Variants in SNX25 observed in about 807,000 individuals in gnomAD.
SNX25 encodes sorting nexin-25.
Under a neutral mutation model 113.7 loss-of-function variants are expected in SNX25, and 62 were observed. The ratio of observed to expected loss-of-function variants is 0.55; its 90% CI spans 0.44 to 0.67. The LOEUF (loss-of-function observed/expected upper bound fraction) is 0.67. Ranked by LOEUF, SNX25 falls within the 30% of genes least tolerant of loss-of-function variation. The probability of loss-of-function intolerance (pLI) is 0.00; values close to 1 mark genes in which losing one functional copy is unlikely to be tolerated. For synonymous variants in SNX25, 421 were observed against 436.2 expected, an observed-to-expected ratio of 0.97 and a Z score of 0.43; for missense variants, 1,014 against 1,161.0, an observed-to-expected ratio of 0.87 and a Z score of 1.84.
intron 7 of SNX25, among the ~76,000 whole-genome samples, chr4:185,318,742 G>A (rs1359672952): frequency 1.3e-5 from 2 of 152,196 alleles, no homozygotes; most frequent in Admixed American, 6.5e-5. Context: ...ATCCCATAGG[G>A]TAGGGATTTT....
chr4:185,240,156 ATGT>A (rs1743500498), intron 1 of SNX25, among the ~76,000 whole-genome samples: 2 of 151,840 alleles, frequency 1.3e-5, no homozygotes, highest in African/African-American at 4.8e-5. Context: ...AAAGTCTCCC[ATGT>A]CTACCTCTTT....
intron 1 of SNX25, among the ~76,000 whole-genome samples, chr4:185,236,793 C>T (rs572567274): frequency 8.7e-5 from 13 of 149,300 alleles, no homozygotes; most frequent in African/African-American, 2.5e-4. Flanking sequence ...AATTAATGCT[C>T]ATATCAATTT....
At chr4:185,333,851 C>G (rs1290562043) in intron 10 of SNX25, among the ~76,000 whole-genome samples, 1 of 151,710 alleles carries the variant, frequency 6.6e-6, no homozygotes, top group Admixed American at 6.6e-5. Context: ...TGAGACCAGC[C>G]TGGGCAACAT....
chr4:185,317,836 G>A (rs1313495808), intron 7 of SNX25, among the ~76,000 whole-genome samples: 1 of 152,090 alleles, frequency 6.6e-6, no homozygotes, highest in Admixed American at 6.6e-5. Context: ...CCTAATGCAT[G>A]TGGGGCTTAA....
intron 9 of SNX25, among the ~76,000 whole-genome samples, chr4:185,329,596 G>A (rs953726202): frequency 6.6e-5 from 10 of 152,172 alleles, no homozygotes; most frequent in Non-Finnish European, 1.3e-4. Context: ...TTTACGAATC[G>A]GCTGGATTAG....
intron 6 of SNX25, among the ~76,000 whole-genome samples, chr4:185,302,326 T>G (rs1206299714): frequency 6.6e-6 from 1 of 152,128 alleles, no homozygotes; most frequent in Non-Finnish European, 1.5e-5. Flanking sequence ...AACCCTGACT[T>G]GAAGCTGGTT....
chr4:185,335,721 A>T (rs912532670), intron 10 of SNX25, among the ~76,000 whole-genome samples: 3 of 152,180 alleles, frequency 2.0e-5, no homozygotes, highest in Non-Finnish European at 4.4e-5. Context: ...TTCTAGGGTA[A>T]TATTGGGAGT....
chr4:185,209,848 A>G lies in SNX25; in HGVS notation c.22A>G (p.Ser8Gly). The G allele has an allele frequency of 1.0e-6, 1 of 983,204 alleles. No individual in the cohort carries two copies. Among genetic ancestry groups the G allele is most frequent in the South Asian group, 4.7e-5 (1 of 21,278 alleles). The allele number at this position is 983,204 out of a possible 1,614,324, so 60.9% of individuals were successfully genotyped here. ...CAGCATGCACCCCGATGCGACCGAC[A>G]GTGGCGGCGCCGGCCCCAGCCCCGC... MHPDATD[S>G]GGAGPSPARA... The change falls in exon 1 of 19, where the codon AGT becomes GGT. Residue 8 changes from serine to glycine, a missense_variant. By Grantham distance (56) the Ser-to-Gly change is moderately conservative. Transcript: ENST00000652585. This position sits in a 1 kb window ranked among gnomAD's most constrained non-coding sequence, Gnocchi z 5.2.
At chr4:185,260,637 C>T (rs1358902565) in intron 3 of SNX25, among the ~76,000 whole-genome samples, 2 of 152,202 alleles carry the variant, frequency 1.3e-5, no homozygotes, top group African/African-American at 4.8e-5. Flanking sequence ...GGACACTTTT[C>T]CTTAGCCACG....
intron 7 of SNX25, among the ~76,000 whole-genome samples, chr4:185,314,356 T>C (rs533618220): frequency 2.1e-4 from 31 of 145,434 alleles, no homozygotes; most frequent in African/African-American, 6.6e-4. Context: ...TAAAAGAAGC[T>C]GTAAATAAAA....
At chr4:185,362,763 T>A in intron 18 of SNX25, 52 bp downstream of exon 18, 1 of 1,486,988 alleles carries the variant, frequency 6.7e-7, no homozygotes. Context: ...GTCTGTTTCT[T>A]CGTTTGGTCA....
intron 6 of SNX25, among the ~76,000 whole-genome samples, chr4:185,304,401 C>T (rs1356078064): frequency 6.6e-6 from 1 of 152,110 alleles, no homozygotes; most frequent in Non-Finnish European, 1.5e-5. Context: ...TCTTGTTGCC[C>T]AGACTGGAGT....
At chr4:185,221,482 G>T (rs1739840484) in intron 1 of SNX25, among the ~76,000 whole-genome samples, 1 of 151,980 alleles carries the variant, frequency 6.6e-6, no homozygotes. Flanking sequence ...TGAGTATCTT[G>T]CATTCATCTA....
intron 5 of SNX25, among the ~76,000 whole-genome samples, chr4:185,274,365 G>A (rs533669975): frequency 1.3e-5 from 2 of 152,208 alleles, no homozygotes; most frequent in East Asian, 3.9e-4. Context: ...AGCCAACACT[G>A]GCTGTCTTTT....
chr4:185,299,514 C>T (rs961214041), intron 6 of SNX25, among the ~76,000 whole-genome samples: 2 of 152,062 alleles, frequency 1.3e-5, no homozygotes, highest in African/African-American at 4.8e-5. Context: ...TTTGCATTAC[C>T]GACTGGTTCC....
chr4:185,335,000 T>A lies in SNX25; in HGVS notation c.1914+2241T>A, dbSNP rs1298083814. 6.6e-6 allele frequency among the ~76,000 whole-genome samples: 1 copy of A among 152,152 alleles called. No individual in the cohort carries two copies. The highest frequency in any genetic ancestry group is 1.9e-4 in the East Asian group (1 of 5,192). The stretch of plus-strand genomic sequence containing the variant: ...TCCTCCTTTTGTCGTTTACTTATGT[T>A]GGTAAAAAATTAATAATTTTTTTAA... On this transcript the variant is annotated intron_variant, in intron 10 of 18. Transcript: ENST00000652585. This position sits in a 1 kb window ranked among gnomAD's most constrained non-coding sequence, Gnocchi z 4.2.
rs933444645 is a variant in SNX25 at position 185,247,355 on chromosome 4, A to G, written c.491A>G (p.Asn164Ser). The G allele has an allele frequency of 1.9e-6, 3 of 1,607,968 alleles. No homozygotes were observed. The highest frequency in any genetic ancestry group is 1.1e-5 in the South Asian group (1 of 90,866). Residue 164 changes from asparagine to serine, a missense_variant, in exon 2 of 19, where the codon AAT (asparagine) becomes AGT (serine). By Grantham distance (46) the Asn-to-Ser change is conservative (BLOSUM62 1). Transcript: ENST00000652585. ...TCTAGAAGGGTAGTAATTTCTCATA[A>G]TATGGATAAAGCTCTGAAAGAAGGT... The part of the protein sequence containing the change: ...AQSRRVVISH[N>S]MDKALKEVFD...
At chr4:185,333,921 G>T (rs1344571715) in intron 10 of SNX25, among the ~76,000 whole-genome samples, 1 of 151,478 alleles carries the variant, frequency 6.6e-6, no homozygotes, top group East Asian at 1.9e-4. Flanking sequence ...GGTAGTGGAT[G>T]CTGGTAGTCC....
upstream of SNX25, among the ~76,000 whole-genome samples, chr4:185,209,129 A>G (rs1737347709): frequency 1.3e-5 from 2 of 152,094 alleles, no homozygotes; most frequent in African/African-American, 4.8e-5. The surrounding 1 kb of genome is among the most constrained non-coding windows in gnomAD (Gnocchi z 5.2). Flanking sequence ...CACTTACTCC[A>G]CCGCACGTGT....
Sources: gnomAD v4.1 joint callset for allele counts (sites outside exome capture counted in the v4.1 genomes callset) on GRCh38, gnomAD v4.1.1 for gene constraint, Gnocchi (gnomAD v3.1) non-coding constraint, MANE v1.5 for transcripts, NCBI Gene and HGNC (gene_info 2026-07-23, HGNC 2026-07-21) for gene names.